Variants in NLGN1 observed in about 807,000 individuals in gnomAD.
NLGN1 encodes the protein neuroligin 1, also known as neuroligin-1.
NLGN1 carries 12 observed loss-of-function variants against 65.5 expected under a neutral mutation model. The observed-to-expected ratio is 0.18, with a 90% CI of 0.12 to 0.30. The LOEUF (loss-of-function observed/expected upper bound fraction) is 0.30, where lower values mean the gene tolerates loss of function less well. Among genes scored for constraint, NLGN1 ranks in the 10% least tolerant of loss-of-function variants. The probability of loss-of-function intolerance (pLI) is 1.00; values close to 1 mark genes in which losing one functional copy is unlikely to be tolerated. For synonymous variants in NLGN1, 350 were observed against 359.5 expected, an observed-to-expected ratio of 0.97 and a Z score of 0.30; for missense variants, 750 against 1,007.1, an observed-to-expected ratio of 0.74 and a Z score of 3.46.
chr3:173,686,127 C>T (rs1358121959), intron 3 of NLGN1, among the ~76,000 whole-genome samples: 2 of 152,048 alleles, frequency 1.3e-5, no homozygotes, highest in African/African-American at 4.8e-5. Context: ...GGTCACAGTA[C>T]ACAATTGATT....
chr3:173,605,823 G>A (rs948002020), intron 3 of NLGN1, among the ~76,000 whole-genome samples: 3 of 152,036 alleles, frequency 2.0e-5, no homozygotes, highest in Non-Finnish European at 1.5e-5. Flanking sequence ...TGGTAGCATC[G>A]GCAAGAGTTG....
At chr3:173,654,620 T>A (rs898882010) in intron 3 of NLGN1, among the ~76,000 whole-genome samples, 1 of 152,174 alleles carries the variant, frequency 6.6e-6, no homozygotes, top group Non-Finnish European at 1.5e-5. Context: ...TTGTGATTGA[T>A]ATATATGTTT....
intron 3 of NLGN1, among the ~76,000 whole-genome samples, chr3:173,778,961 C>A (rs535623805): frequency 6.6e-6 from 1 of 151,340 alleles, no homozygotes; most frequent in South Asian, 2.1e-4. Context: ...ATTGAGATAT[C>A]TAGTGTATTC....
chr3:173,643,643 G>T lies in NLGN1; in HGVS notation c.493+38552G>T, dbSNP rs539457624. On this transcript the variant is annotated intron_variant, in intron 3 of 6. Transcript: ENST00000457714. Reference sequence around the variant, plus strand: ...TCGATTGACATGTAAGAATGTTAGTGTGAAAGTTACTGAGCTTTATTTGGG... The same window carrying T: ...TCGATTGACATGTAAGAATGTTAGTTTGAAAGTTACTGAGCTTTATTTGGG... Among the ~76,000 whole-genome samples the T allele has an allele frequency of 5.9e-5, 9 of 152,340 alleles. No homozygotes were observed. In the South Asian group the frequency reaches 1.9e-3, roughly 32 times the overall value.
At chr3:174,256,644 A>C (rs750143732) in intron 4 of NLGN1, among the ~76,000 whole-genome samples, 4 of 152,062 alleles carry the variant, frequency 2.6e-5, no homozygotes, top group Non-Finnish European at 5.9e-5. Context: ...ACCCCATTTT[A>C]TGCCTCTTTT....
chr3:173,674,106 T>C (rs973884299), intron 3 of NLGN1, among the ~76,000 whole-genome samples: 25 of 152,180 alleles, frequency 1.6e-4, no homozygotes, highest in Admixed American at 1.4e-3. Flanking sequence ...TCCTGCCTCA[T>C]ATATAGTCAT....
At position 173,820,190 on chromosome 3, in the gene NLGN1, A is replaced by C. The variant is rs867947279; in HGVS notation, c.646+12358A>C. ...CGAGATTCAGTCTCGAAAAAAAAAA[A>C]AAAAAAAAAAAAACGAGAAAGAGTA... is the stretch of plus-strand genomic sequence containing the variant. On this transcript the variant is annotated intron_variant, in intron 4 of 6. Transcript: ENST00000457714. Among the ~76,000 whole-genome samples the C allele has an allele frequency of 3.2e-3, 488 of 151,368 alleles. 6 individuals carry two copies. Among genetic ancestry groups the C allele is most frequent in the African/African-American group, 0.011 (455 of 41,006 alleles).
chr3:173,752,531 A>G (rs1776454021), intron 3 of NLGN1, among the ~76,000 whole-genome samples: 1 of 152,034 alleles, frequency 6.6e-6, no homozygotes, highest in Non-Finnish European at 1.5e-5. Flanking sequence ...ACTCTTCCTT[A>G]TTTATCATAG....
chr3:173,649,473 T>C (rs1370782092), intron 3 of NLGN1, among the ~76,000 whole-genome samples: 1 of 152,136 alleles, frequency 6.6e-6, no homozygotes, highest in Non-Finnish European at 1.5e-5. Context: ...ATGCGCAATT[T>C]TTTATGTGTC....
chr3:173,653,896 G>C (rs533141185), intron 3 of NLGN1, among the ~76,000 whole-genome samples: 3 of 152,232 alleles, frequency 2.0e-5, no homozygotes, highest in Admixed American at 6.5e-5. Context: ...GGAAGTCCAA[G>C]CAGCTCCCTG....
chr3:173,492,720 C>T (rs1576957613), intron 2 of NLGN1, among the ~76,000 whole-genome samples: 1 of 151,804 alleles, frequency 6.6e-6, no homozygotes, highest in East Asian at 1.9e-4. Context: ...CAATAGTTTA[C>T]TGTATCAGTA....
At chr3:173,638,140 G>C (rs1164742317) in intron 3 of NLGN1, among the ~76,000 whole-genome samples, 1 of 150,252 alleles carries the variant, frequency 6.7e-6, no homozygotes, top group Non-Finnish European at 1.5e-5. Flanking sequence ...TTTCAGTATA[G>C]TTTTGTTTTG....
chr3:174,207,189 T>A (rs547660328), intron 4 of NLGN1, among the ~76,000 whole-genome samples: 1 of 133,158 alleles, frequency 7.5e-6, no homozygotes, highest in Admixed American at 8.2e-5. Context: ...TTTTTTTGTT[T>A]AGCTCATTCA....
chr3:174,193,211 T>C (rs985579873), intron 4 of NLGN1, among the ~76,000 whole-genome samples: 1 of 152,206 alleles, frequency 6.6e-6, no homozygotes, highest in African/African-American at 2.4e-5. Flanking sequence ...TAGAGCTTTG[T>C]CTAACAATTA....
chr3:174,210,729 TA>T (rs996288436), intron 4 of NLGN1, among the ~76,000 whole-genome samples: 1 of 152,138 alleles, frequency 6.6e-6, no homozygotes, highest in African/African-American at 2.4e-5. Context: ...AAGTAGCAGT[TA>T]AAAAAATACA....
At chr3:173,492,053 G>T (rs940060838) in intron 2 of NLGN1, among the ~76,000 whole-genome samples, 2 of 151,752 alleles carry the variant, frequency 1.3e-5, no homozygotes, top group Non-Finnish European at 2.9e-5. Context: ...GGATATGAGA[G>T]CAAGATAGAC....
chr3:173,667,455 G>A (rs1398932599), intron 3 of NLGN1, among the ~76,000 whole-genome samples: 3 of 152,020 alleles, frequency 2.0e-5, no homozygotes, highest in African/African-American at 7.2e-5. Context: ...ATTCCCTGAA[G>A]GTAACATCTA....
chr3:173,454,786 G>T (rs369984361), intron 2 of NLGN1, among the ~76,000 whole-genome samples: 1 of 152,178 alleles, frequency 6.6e-6, no homozygotes, highest in Non-Finnish European at 1.5e-5. Context: ...AATTTTCTCT[G>T]TATCAGCAAT....
intron 2 of NLGN1, among the ~76,000 whole-genome samples, chr3:173,539,687 T>TATGTACATATGCACATATATACATAC (rs1738283562): frequency 7.3e-6 from 1 of 136,572 alleles, no homozygotes; most frequent in Non-Finnish European, 1.6e-5. Context: ...AACATACATA[T>TATGTACATATGCACATATATACATAC]ATGTACATAT....
Sources: allele counts gnomAD v4.1 joint callset (sites outside exome capture counted in the v4.1 genomes callset), GRCh38; gene constraint gnomAD v4.1.1; transcripts MANE v1.5; gene names NCBI Gene and HGNC (gene_info 2026-07-23, HGNC 2026-07-21).